The following RAPSN variants were observed in gnomAD, a reference collection of about 807,000 sequenced individuals.
RAPSN encodes the protein receptor associated protein of the synapse.
A neutral mutation model predicts 45.7 loss-of-function variants in RAPSN; 33 were observed. The observed-to-expected ratio is 0.72, with a 90% confidence interval of 0.55 to 0.97. The LOEUF (loss-of-function observed/expected upper bound fraction) is 0.97. Among genes scored for constraint, RAPSN ranks in the 50% least tolerant of loss-of-function variants. The pLI is 0.00. For missense variants in RAPSN, 519 were observed against 559.4 expected (o/e 0.93, Z 0.73); for synonymous variants, 244 against 233.6 (o/e 1.04, Z -0.40).
chr11:47,445,997 TG>T (rs1386738515), intron 2 of RAPSN, among the ~76,000 whole-genome samples: 1 of 151,818 alleles, frequency 6.6e-6, no homozygotes, highest in Non-Finnish European at 1.5e-5. Context: ...GGAACACTCA[TG>T]GCTCACTGCA....
intron 6 of RAPSN, among the ~76,000 whole-genome samples, chr11:47,440,606 AGT>A (rs1189731199): frequency 1.3e-5 from 2 of 152,164 alleles, no homozygotes; most frequent in African/African-American, 4.8e-5. Flanking sequence ...AAATTAGCCC[AGT>A]GTGGTGGCGG....
At chr11:47,447,658 T>TA (rs1482501609) in intron 2 of RAPSN, among the ~76,000 whole-genome samples, 154 bp downstream of exon 2, 1 of 152,190 alleles carries the variant, frequency 6.6e-6, no homozygotes, top group Non-Finnish European at 1.5e-5. Flanking sequence ...GCCAAGTTGT[T>TA]ACCTTCCTGG....
rs1015604630 is a variant in RAPSN, at chr11:47,442,809, G to A, written c.537C>T (p.Tyr179=). ...TGCAGGGGAAGAACAGGGCTTTCTC[G>A]TAGTCCTGCAGGGGACATGGAATGG... ...LGSFYAQVKD[Y]EKALFFPCKA... is the part of the protein sequence containing the mutation. Residue 179 remains tyrosine (Y), a synonymous_variant, in exon 3 of 8, where the codon TAC becomes TAT. Coordinates refer to ENST00000298854, the MANE Select transcript of RAPSN (RefSeq NM_005055.5). The A allele has an allele frequency of 2.5e-6, 4 of 1,614,110 alleles. No individual in the cohort carries two copies. The highest frequency in any genetic ancestry group is 2.2e-5 in the East Asian group (1 of 44,888).
In RAPSN at chr11:47,448,834, C is replaced by T. The variant is rs762801784; in HGVS notation, c.131G>A (p.Arg44His). 44 of 1,613,848 alleles carry T rather than the reference C, an allele frequency of 2.7e-5. No individual in the cohort carries two copies. The highest frequency in any genetic ancestry group is 4.0e-5 in the African/African-American group (3 of 74,944). Reference sequence around the variant, plus strand: ...GGCTGTGACCAGGCAGCCCAGCACGCGGAAGCGCCCCATGAGGTCCGAGCT... The same window carrying T: ...GGCTGTGACCAGGCAGCCCAGCACGTGGAAGCGCCCCATGAGGTCCGAGCT... The part of the protein sequence containing the change: ...EKSSDLMGRF[R>H]VLGCLVTAHS... Residue 44 changes from arginine to histidine, a missense_variant, in exon 1 of 8, where the codon CGC becomes CAC. By Grantham distance (29) the Arg-to-His change is conservative (BLOSUM62 0). Coordinates refer to ENST00000298854, the MANE Select transcript of RAPSN (RefSeq NM_005055.5).
intron 1 of RAPSN, 89 bp from the exon 2 acceptor site, chr11:47,448,239 C>A: frequency 7.5e-6 from 10 of 1,331,994 alleles, no homozygotes; most frequent in Non-Finnish European, 1.1e-5. Flanking sequence ...ACCTGGAGGC[C>A]CCACACCCAC....
In RAPSN at chr11:47,448,033, A is replaced by C. The variant is rs770016019; in HGVS notation, c.310T>G (p.Ser104Ala). The change falls in exon 2 of 8, where the codon TCC becomes GCC. Residue 104 changes from serine to alanine, a missense_variant. Transcript: ENST00000298854. ...AGCCCAAGGCAGGTCTTGCAGTAGG[A>C]GATGGTCTTGTGAAACTCGCACAGC... is the stretch of plus-strand genomic sequence containing the variant. Reference protein sequence around the residue: ...EKLCEFHKTISYCKTCLGLPG... With the variant: ...EKLCEFHKTIAYCKTCLGLPG... 29 of 1,613,858 alleles carry C rather than the reference A, an allele frequency of 1.8e-5. No individual in the cohort carries two copies. Among genetic ancestry groups the C allele is most frequent in the Non-Finnish European group, 2.4e-5 (28 of 1,179,994 alleles).
rs752490381 is a variant in RAPSN, at chr11:47,438,855, T to TGCGCCCGCAGTTCCCGCTGCA, written c.1022_1042dup (p.Leu341_Ala347dup). 2.5e-6 allele frequency: 4 copies of TGCGCCCGCAGTTCCCGCTGCA among 1,570,104 alleles called. No individual in the cohort carries two copies. The East Asian group carries it at 9.3e-5, about 37-fold the overall frequency. On this transcript the variant is annotated inframe_insertion, in exon 7 of 8. Coordinates refer to ENST00000298854, the MANE Select transcript of RAPSN (RefSeq NM_005055.5). ...CACGCACTCGTGGAACCTCACAACG[T>TGCGCCCGCAGTTCCCGCTGCA]GCGCCCGCAGTTCCCGCTGCAGCCC...
At chr11:47,441,779 G>GGCCCCCCC in intron 4 of RAPSN, 44 bp downstream of exon 4, 2 of 1,584,534 alleles carry the variant, frequency 1.3e-6, no homozygotes, top group Non-Finnish European at 1.7e-6. Context: ...TCAGGCCTGT[G>GGCCCCCCC]CCCCTGCCCC....
intron 1 of RAPSN, 72 bp downstream of exon 1, chr11:47,448,700 AG>A: frequency 6.3e-7 from 1 of 1,580,972 alleles, no homozygotes; most frequent in Non-Finnish European, 8.6e-7. Flanking sequence ...GGAGGCCGAG[AG>A]GGGACTGGGG....
chr11:47,438,087 G>A (rs2076327926), intron 7 of RAPSN, 40 bp from the exon 8 acceptor site: 11 of 1,547,382 alleles, frequency 7.1e-6, no homozygotes, highest in Non-Finnish European at 9.6e-6. Flanking sequence ...CCTGAGGCCT[G>A]TCCTTCCCTC....
At chr11:47,440,589 A>G (rs7104036) in intron 6 of RAPSN, among the ~76,000 whole-genome samples, 48,235 of 151,994 alleles carry the variant, frequency 0.32, 8,366 homozygotes, top group South Asian at 0.48. Flanking sequence ...CTCTATAAAA[A>G]ATACAAAAAT....
chr11:47,443,862 C>G (rs1269603388), intron 2 of RAPSN, among the ~76,000 whole-genome samples: 2 of 124,718 alleles, frequency 1.6e-5, no homozygotes, highest in African/African-American at 6.1e-5. Flanking sequence ...CACAGGAGGT[C>G]GAGGATATGG....
intron 6 of RAPSN, among the ~76,000 whole-genome samples, chr11:47,440,374 C>T (rs1339844117): frequency 6.6e-6 from 1 of 152,118 alleles, no homozygotes; most frequent in African/African-American, 2.4e-5. Flanking sequence ...ACCTCCTGGG[C>T]TCAAGCTATC....
chr11:47,447,365 C>T (rs774809660), intron 2 of RAPSN, among the ~76,000 whole-genome samples: 1 of 152,180 alleles, frequency 6.6e-6, no homozygotes, highest in Non-Finnish European at 1.5e-5. Flanking sequence ...GGCTGTTTTT[C>T]TCACTGCTAC....
chr11:47,448,257 C>A, intron 1 of RAPSN, 107 bp from the exon 2 acceptor site: 8 of 1,182,420 alleles, frequency 6.8e-6, no homozygotes, highest in African/African-American at 1.5e-5. Context: ...CACCCCCCAG[C>A]CTCACACCCA....
In RAPSN at chr11:47,441,725, G is replaced by T; in HGVS notation, c.798C>A (p.Phe266Leu). 6.2e-7 allele frequency: 1 copy of T among 1,607,280 alleles called. No individual in the cohort carries two copies. ...TGCTCATGGCGGAGTCGTACCTGGG[G>T]AAGGCTGTCTGCAGAGCCAGGTGGG... is the stretch of plus-strand genomic sequence containing the variant. The part of the protein sequence containing the change: ...HRSRGDLETA[F>L]PRYDSAMSIM... Residue 266 changes from phenylalanine (F) to leucine (L), a missense_variant, in exon 5 of 8, where the codon TTC becomes TTA. By Grantham distance (22) the Phe-to-Leu change is conservative (BLOSUM62 0). Coordinates refer to ENST00000298854, the MANE Select transcript of RAPSN (RefSeq NM_005055.5).
At chr11:47,439,076 C>A (rs2076340186) in intron 6 of RAPSN, 145 bp from the exon 7 acceptor site, 1 of 869,930 alleles carries the variant, frequency 1.1e-6, no homozygotes, top group Non-Finnish European at 1.8e-6. Context: ...TCCTTTCATG[C>A]AGAATGAGGC....
Position 47,441,715 on chromosome 11 carries a change from C to T in RAPSN, c.808G>A (p.Asp270Asn), listed in dbSNP as rs768011436. Reference sequence around the variant, plus strand: ...TCGGTCATGATGCTCATGGCGGAGTCGTACCTGGGGAAGGCTGTCTGCAGA... The same window carrying T: ...TCGGTCATGATGCTCATGGCGGAGTTGTACCTGGGGAAGGCTGTCTGCAGA... ...GDLETAFPRYDSAMSIMTEIG... is the reference protein window; with the variant it reads ...GDLETAFPRYNSAMSIMTEIG... Residue 270 changes from aspartate (D) to asparagine (N), a missense_variant, in exon 5 of 8, where the codon GAC (aspartate) becomes AAC (asparagine). Coordinates refer to ENST00000298854, the MANE Select transcript of RAPSN (RefSeq NM_005055.5). 12 of 1,607,962 alleles carry T rather than the reference C, an allele frequency of 7.5e-6. No homozygotes were observed. In the Admixed American group the frequency reaches 8.3e-5, roughly 11 times the overall value.
chr11:47,442,617 C>T (rs1448784268), intron 3 of RAPSN, 39 bp downstream of exon 3: 4 of 1,606,274 alleles, frequency 2.5e-6, no homozygotes, highest in Admixed American at 3.4e-5. Context: ...TGGCCCACAC[C>T]ACCTCATCCC....
Sources: allele counts gnomAD v4.1 joint callset (sites outside exome capture counted in the v4.1 genomes callset), GRCh38; gene constraint gnomAD v4.1.1; transcripts MANE v1.5; gene names NCBI Gene and HGNC (gene_info 2026-07-23, HGNC 2026-07-21).